Variants in SNX13 observed in about 807,000 individuals in gnomAD.
SNX13 encodes the protein sorting nexin-13.
A neutral mutation model predicts 133.6 loss-of-function variants in SNX13; 45 were observed. The ratio of observed to expected loss-of-function variants is 0.34; its 90% CI spans 0.27 to 0.43. The LOEUF (loss-of-function observed/expected upper bound fraction) is 0.43. SNX13 is among the 20% of genes least tolerant of loss of function. SNX13 has a pLI of 1.00. For synonymous variants in SNX13, 414 were observed against 373.9 expected (o/e 1.11, Z -1.24); for missense variants, 1,032 against 1,145.1 (o/e 0.90, Z 1.43).
At chr7:17,868,638 G>C in intron 8 of SNX13, 148 bp from the exon 9 acceptor site, 1 of 597,624 alleles carries the variant, frequency 1.7e-6, no homozygotes, top group East Asian at 2.9e-5. Flanking sequence ...CTTATAAAAA[G>C]ATGAACTACT....
chr7:17,878,953 C>A (rs951926224), intron 5 of SNX13, among the ~76,000 whole-genome samples: 1 of 152,130 alleles, frequency 6.6e-6, no homozygotes, highest in Non-Finnish European at 1.5e-5. Context: ...TCTCTCCCCC[C>A]ATTCACTTGA....
chr7:17,921,668 G>C (rs896170596), intron 1 of SNX13, among the ~76,000 whole-genome samples: 49 of 152,162 alleles, frequency 3.2e-4, no homozygotes, highest in African/African-American at 1.2e-3. Context: ...GGGAAGTAGG[G>C]GGATTTTAAA....
intron 1 of SNX13, among the ~76,000 whole-genome samples, chr7:17,909,733 C>T (rs1225028069): frequency 3.9e-5 from 6 of 152,014 alleles, no homozygotes; most frequent in Non-Finnish European, 8.8e-5. Flanking sequence ...ATGGGAGGAG[C>T]GAGAGCATCA....
At chr7:17,833,533 T>C (rs1318860244) in intron 15 of SNX13, among the ~76,000 whole-genome samples, 1 of 151,600 alleles carries the variant, frequency 6.6e-6, no homozygotes, top group Non-Finnish European at 1.5e-5. Flanking sequence ...ATAGAACTCA[T>C]TATCCTCACT....
chr7:17,854,918 T>C (rs559212861), intron 9 of SNX13, among the ~76,000 whole-genome samples: 101 of 152,228 alleles, frequency 6.6e-4, no homozygotes, highest in African/African-American at 2.4e-3. Context: ...GGAAAATGTA[T>C]CAAAAGCCAA....
chr7:17,937,919 G>C (rs150098019), intron 1 of SNX13, among the ~76,000 whole-genome samples: 163 of 152,302 alleles, frequency 1.1e-3, no homozygotes, highest in African/African-American at 3.8e-3. Flanking sequence ...TGCTGAGCAT[G>C]ACTAATATAA....
intron 9 of SNX13, among the ~76,000 whole-genome samples, chr7:17,852,628 A>C (rs987453694): frequency 1.3e-5 from 2 of 152,250 alleles, no homozygotes; most frequent in Non-Finnish European, 2.9e-5. Flanking sequence ...GCAGGAGTAA[A>C]GAGTACTGCC....
At chr7:17,934,072 G>C (rs1801739686) in intron 1 of SNX13, among the ~76,000 whole-genome samples, 1 of 152,112 alleles carries the variant, frequency 6.6e-6, no homozygotes, top group Admixed American at 6.5e-5. Context: ...ATAATTTGTT[G>C]ATAGACACAG....
At chr7:17,810,264 C>T (rs1414579142) in intron 20 of SNX13, among the ~76,000 whole-genome samples, 1 of 151,902 alleles carries the variant, frequency 6.6e-6, no homozygotes, top group Non-Finnish European at 1.5e-5. Context: ...CAAATAGACA[C>T]AATAAAAAAT....
intron 25 of SNX13, chr7:17,796,101 C>T (rs1376275121): frequency 6.6e-6 from 1 of 151,612 alleles, no homozygotes; most frequent in Non-Finnish European, 1.5e-5. Flanking sequence ...TTCAAAGATA[C>T]TCATTAACAA....
At chr7:17,909,356 A>C (rs200277410) in intron 1 of SNX13, among the ~76,000 whole-genome samples, 5 of 152,202 alleles carry the variant, frequency 3.3e-5, no homozygotes, top group East Asian at 3.8e-4. Flanking sequence ...CTGGGTATAT[A>C]CCCAAAGGAA....
In SNX13 at chr7:17,791,458, T is replaced by A. The variant is rs891158357; in HGVS notation, c.*2587A>T. The A allele has an allele frequency of 8.6e-5, 13 of 151,868 alleles. No individual in the cohort carries two copies. The highest frequency in any genetic ancestry group is 2.9e-4 in the African/African-American group (12 of 41,412). The allele number at this position is 151,868 out of a possible 1,614,324, so 9.4% of individuals were successfully genotyped here. A position where few individuals can be genotyped will look rare whatever the true frequency, so the allele number is the denominator to read the frequency against. On this transcript the variant is annotated 3_prime_UTR_variant, in exon 26 of 26. Coordinates refer to ENST00000428135, the MANE Select transcript of SNX13 (RefSeq NM_015132.5). ...TGGCACAATTGATTTCAGCAACTAT[T>A]TGGAATATCCTAATTATAGGAAATG... is the stretch of plus-strand genomic sequence containing the variant.
intron 24 of SNX13, among the ~76,000 whole-genome samples, chr7:17,797,927 AAT>A (rs2128283679): frequency 6.6e-6 from 1 of 151,974 alleles, no homozygotes; most frequent in African/African-American, 2.4e-5. Flanking sequence ...CTTATAACAA[AAT>A]AGAGACAAAA....
chr7:17,831,366 T>C (rs1326786987), intron 15 of SNX13: 2 of 846,090 alleles, frequency 2.4e-6, no homozygotes, highest in Non-Finnish European at 2.8e-6. Context: ...ATGAGACTGT[T>C]TTAATAAAGG....
intron 7 of SNX13, among the ~76,000 whole-genome samples, chr7:17,874,688 C>T (rs1328583173): frequency 1.3e-5 from 2 of 152,190 alleles, no homozygotes; most frequent in African/African-American, 4.8e-5. Context: ...CTGACACTTT[C>T]TGGGAATATA....
intron 5 of SNX13, chr7:17,888,686 A>C (rs1465325496): frequency 2.1e-6 from 1 of 470,858 alleles, no homozygotes; most frequent in South Asian, 1.5e-5. Context: ...TCCACTGAGC[A>C]GGGACTTTGT....
chr7:17,799,125 C>T lies in SNX13; in HGVS notation c.2328G>A (p.Met776Ile), dbSNP rs1189302554. 1 of 1,609,196 alleles carries T rather than the reference C, an allele frequency of 6.2e-7. No homozygotes were observed. Among genetic ancestry groups the T allele is most frequent in the African/African-American group, 1.3e-5 (1 of 74,660 alleles). The change falls in exon 23 of 26, where the codon ATG becomes ATA. Residue 776 changes from methionine to isoleucine, a missense_variant. Physicochemically the swap from Met to Ile is conservative, Grantham distance 10 (BLOSUM62 1). Transcript: ENST00000428135. ...NVDDNIPLRVMLLLMDEVFDL... is the reference protein window; with the variant it reads ...NVDDNIPLRVILLLMDEVFDL... ...CGAATACTTCATCCATGAGAAGCAG[C>T]ATTACCCTAAGTGGAATATTGTCAT...
rs1030916521 is a variant in SNX13, at chr7:17,920,666, C to A, written c.12+19618G>T. Among the ~76,000 whole-genome samples the A allele has an allele frequency of 3.3e-5, 5 of 152,218 alleles. No individual in the cohort carries two copies. In the East Asian group the frequency reaches 7.7e-4, roughly 23 times the overall value. On this transcript the variant is annotated intron_variant, in intron 1 of 25. Coordinates refer to ENST00000428135, the MANE Select transcript of SNX13 (RefSeq NM_015132.5). Reference sequence around the variant, plus strand: ...CAGTGCAGCAATTATAAATTTCCAGCCCCATATACCGTTTATACTTTAATC... The same window carrying A: ...CAGTGCAGCAATTATAAATTTCCAGACCCATATACCGTTTATACTTTAATC...
intron 17 of SNX13, among the ~76,000 whole-genome samples, chr7:17,824,587 G>A (rs1251964810): frequency 1.3e-5 from 2 of 151,598 alleles, no homozygotes; most frequent in East Asian, 1.9e-4. Context: ...AGGAAGTTAA[G>A]GAACTCACTC....
Sources: gnomAD v4.1 joint callset for allele counts (sites outside exome capture counted in the v4.1 genomes callset) on GRCh38, gnomAD v4.1.1 for gene constraint, MANE v1.5 for transcripts, NCBI Gene and HGNC (gene_info 2026-07-23, HGNC 2026-07-21) for gene names.